Variants in PTPRM observed in about 807,000 individuals in gnomAD.
PTPRM encodes receptor-type tyrosine-protein phosphatase mu.
A neutral mutation model predicts 186.7 loss-of-function variants in PTPRM; 47 were observed. The observed-to-expected ratio is 0.25, with a 90% CI of 0.20 to 0.32. The LOEUF is 0.32. Ranked by LOEUF, PTPRM falls within the 10% of genes least tolerant of loss-of-function variation. The pLI is 1.00. For synonymous variants in PTPRM, 668 were observed against 674.9 expected, an observed-to-expected ratio of 0.99 and a Z score of 0.16; for missense variants, 1,494 against 1,865.0, an observed-to-expected ratio of 0.80 and a Z score of 3.66.
At chr18:7,938,026 G>A (rs767895093) in intron 5 of PTPRM, among the ~76,000 whole-genome samples, 57 of 152,226 alleles carry the variant, frequency 3.7e-4, no homozygotes, top group East Asian at 2.1e-3. Context: ...CATTTTTCCA[G>A]GGAATCCTGG....
intron 1 of PTPRM, among the ~76,000 whole-genome samples, chr18:7,749,810 GA>G (rs1413244136): frequency 6.6e-6 from 1 of 152,180 alleles, no homozygotes; most frequent in Non-Finnish European, 1.5e-5. Flanking sequence ...AATCTTTGCA[GA>G]AATCTCTGGA....
intron 1 of PTPRM, among the ~76,000 whole-genome samples, chr18:7,726,301 T>G (rs1292860654): frequency 1.3e-5 from 2 of 152,214 alleles, no homozygotes; most frequent in African/African-American, 4.8e-5. Flanking sequence ...TCAAAAACGT[T>G]TTCAGATCTT....
chr18:8,342,551 T>G (rs1175700682), intron 22 of PTPRM, among the ~76,000 whole-genome samples: 1 of 152,246 alleles, frequency 6.6e-6, no homozygotes, highest in African/African-American at 2.4e-5. Context: ...ATTTTTATGA[T>G]TTCACATATA....
chr18:8,178,143 A>G (rs1568471010), intron 14 of PTPRM, among the ~76,000 whole-genome samples: 1 of 152,196 alleles, frequency 6.6e-6, no homozygotes, highest in Non-Finnish European at 1.5e-5. Context: ...AGCCGATTCT[A>G]GTATGTGCCT....
intron 7 of PTPRM, among the ~76,000 whole-genome samples, chr18:7,970,621 CA>C (rs2054456642): frequency 1.1e-5 from 1 of 90,122 alleles, no homozygotes; most frequent in Non-Finnish European, 2.1e-5. Context: ...TCTCAGGATA[CA>C]AAATCAATGT....
At chr18:8,310,895 T>G (rs903245748) in intron 20 of PTPRM, among the ~76,000 whole-genome samples, 1 of 152,190 alleles carries the variant, frequency 6.6e-6, no homozygotes, top group East Asian at 1.9e-4. Flanking sequence ...ACATCTGAGT[T>G]GAATACTGAA....
intron 1 of PTPRM, among the ~76,000 whole-genome samples, chr18:7,768,953 A>T (rs555725590): frequency 3.7e-4 from 56 of 152,184 alleles, no homozygotes; most frequent in African/African-American, 1.3e-3. Context: ...GCCCATAAAG[A>T]TAATTTTAAA....
intron 7 of PTPRM, among the ~76,000 whole-genome samples, chr18:7,978,704 A>T (rs2147404410): frequency 6.6e-6 from 1 of 152,334 alleles, no homozygotes; most frequent in East Asian, 1.9e-4. Flanking sequence ...CTTTATCAAT[A>T]TTATACGTGG....
At chr18:8,056,751 C>A (rs115217460) in intron 7 of PTPRM, among the ~76,000 whole-genome samples, 148 of 143,762 alleles carry the variant, frequency 1.0e-3, no homozygotes, top group African/African-American at 8.1e-4. Context: ...CCTTTTTTAG[C>A]AAAAAAAAAA....
chr18:7,862,599 T>C (rs774175453), intron 2 of PTPRM, among the ~76,000 whole-genome samples: 1 of 152,080 alleles, frequency 6.6e-6, no homozygotes, highest in Admixed American at 6.6e-5. Flanking sequence ...CACAAGGAGA[T>C]GGAGGGTAAG....
chr18:7,994,540 C>T (rs927085447), intron 7 of PTPRM, among the ~76,000 whole-genome samples: 1 of 152,106 alleles, frequency 6.6e-6, no homozygotes, highest in Admixed American at 6.6e-5. Context: ...TTCTCGTCAG[C>T]ACGTGGAATT....
At chr18:8,167,787 T>C (rs1407620528) in intron 14 of PTPRM, among the ~76,000 whole-genome samples, 7 of 152,246 alleles carry the variant, frequency 4.6e-5, no homozygotes, top group South Asian at 4.1e-4. Context: ...GGCTCTGATA[T>C]GGGAGCAGTT....
At chr18:8,077,460 C>CA (rs1375258077) in intron 9 of PTPRM, among the ~76,000 whole-genome samples, 1 of 151,784 alleles carries the variant, frequency 6.6e-6, no homozygotes, top group Non-Finnish European at 1.5e-5. Flanking sequence ...GAAACACACA[C>CA]AAAAATTAAT....
At chr18:7,824,985 G>A (rs1030810565) in intron 2 of PTPRM, among the ~76,000 whole-genome samples, 1 of 152,150 alleles carries the variant, frequency 6.6e-6, no homozygotes, top group Non-Finnish European at 1.5e-5. Context: ...GCTTAAACAT[G>A]TCTGTCTGTT....
chr18:7,799,710 TA>T (rs1004851410), intron 2 of PTPRM, among the ~76,000 whole-genome samples: 19 of 152,184 alleles, frequency 1.2e-4, no homozygotes, highest in Admixed American at 2.6e-4. Flanking sequence ...GTTGTCTTTT[TA>T]AAAAAAATGT....
intron 32 of PTPRM, among the ~76,000 whole-genome samples, chr18:8,401,470 A>G (rs1276533793): frequency 6.6e-6 from 1 of 152,214 alleles, no homozygotes; most frequent in African/African-American, 2.4e-5. Context: ...AATAGGGCCC[A>G]CGCTGCCCTT....
At chr18:8,256,755 A>G (rs189270873) in intron 19 of PTPRM, among the ~76,000 whole-genome samples, 304 of 152,332 alleles carry the variant, frequency 2.0e-3, no homozygotes, top group South Asian at 2.7e-3. Flanking sequence ...ACTTGATTCT[A>G]TGGATTAAGA....
chr18:8,334,459 T>G (rs539139347), intron 22 of PTPRM, among the ~76,000 whole-genome samples: 6 of 152,246 alleles, frequency 3.9e-5, no homozygotes, highest in African/African-American at 1.4e-4. Context: ...CCCCCTGCCC[T>G]ATAGGCTCTG....
intron 1 of PTPRM, among the ~76,000 whole-genome samples, chr18:7,737,681 T>C (rs946575348): frequency 2.0e-5 from 3 of 152,198 alleles, no homozygotes; most frequent in Non-Finnish European, 4.4e-5. Context: ...TGCCAGCCCC[T>C]GGTCTCCTGG....
Sources: gnomAD v4.1 joint callset for allele counts (sites outside exome capture counted in the v4.1 genomes callset) on GRCh38, gnomAD v4.1.1 for gene constraint, MANE v1.5 for transcripts, NCBI Gene and HGNC (gene_info 2026-07-23, HGNC 2026-07-21) for gene names.